Variants in SLC4A11 observed in about 807,000 individuals in gnomAD.
The protein encoded by SLC4A11 is bicarbonate transporter related protein 1.
SLC4A11 carries 74 observed loss-of-function variants against 95.0 expected under a neutral mutation model. The observed-to-expected ratio is 0.78, with a 90% CI of 0.65 to 0.95. SLC4A11 has a LOEUF of 0.95. Ranked by LOEUF, SLC4A11 falls within the 40% of genes least tolerant of loss-of-function variation. The pLI, the probability that SLC4A11 is intolerant of heterozygous loss-of-function variation, is 0.00. For missense variants in SLC4A11, 1,081 were observed against 1,192.4 expected (o/e 0.91, Z 1.38); for synonymous variants, 548 against 519.0 (o/e 1.06, Z -0.76).
At position 3,234,391 on chromosome 20, in the gene SLC4A11, C is replaced by T; in HGVS notation, c.292-77G>A. On this transcript the variant is annotated intron_variant, in intron 4 of 19. Coordinates refer to ENST00000642402, the MANE Select transcript of SLC4A11 (RefSeq NM_001174089.2). This position sits in a 1 kb window ranked among gnomAD's most constrained non-coding sequence, Gnocchi z 5.8. ...CACTGCCTGGTCCCTCCCTCCCAGCCAGCCGCAGCAGTCCAGCCCCCAGCC... is the reference window on the plus strand; with the variant it reads ...CACTGCCTGGTCCCTCCCTCCCAGCTAGCCGCAGCAGTCCAGCCCCCAGCC... The T allele has an allele frequency of 1.3e-6, 2 of 1,482,664 alleles. No homozygotes were observed. Among genetic ancestry groups the T allele is most frequent in the South Asian group, 2.3e-5 (2 of 87,506 alleles). 91.8% of individuals were successfully genotyped at this position (1,482,664 alleles called of 1,614,324 possible).
intron 1 of SLC4A11, chr20:3,238,025 T>C (rs2068042104): frequency 6.5e-7 from 1 of 1,538,622 alleles, no homozygotes; most frequent in Non-Finnish European, 8.8e-7. Context: ...ACATCCCTCT[T>C]CTCACTCTCA....
Position 3,234,307 on chromosome 20 carries a change from T to C in SLC4A11, c.299A>G (p.Lys100Arg). 1 of 1,613,740 alleles carries C rather than the reference T, an allele frequency of 6.2e-7. No individual in the cohort carries two copies. The highest frequency in any genetic ancestry group is 8.5e-7 in the Non-Finnish European group (1 of 1,179,950). ...GATCTCTTCCTTGAAGTTCTTTAAC[T>C]TCAGGTACTGAGGGGACCCCAGGGA... ...VLLHTSRKYL[K>R]LKNFKEEIRA... Residue 100 changes from lysine to arginine, a missense_variant, in exon 5 of 20, where the codon AAG becomes AGG. Physicochemically the swap from Lys to Arg is conservative, Grantham distance 26. This residue lies in a region of SLC4A11 where 310 missense variants were observed against 313.5 expected (regional missense o/e 0.99). Transcript: ENST00000642402. The surrounding 1 kb of genome is among the most constrained non-coding windows in gnomAD (Gnocchi z 5.8).
In SLC4A11 at chr20:3,230,992, C is replaced by T. The variant is rs377106945; in HGVS notation, c.1109G>A (p.Cys370Tyr). ...CCCGAAAGCGATGGTGGGCAGGAGGCAGGCGAAGTAGAGGAACAGGGTGGT... is the reference window on the plus strand; with the variant it reads ...CCCGAAAGCGATGGTGGGCAGGAGGTAGGCGAAGTAGAGGAACAGGGTGGT... The part of the protein sequence containing the change: ...ITTTLFLYFA[C>Y]LLPTIAFGSL... Residue 370 changes from cysteine (C) to tyrosine (Y), a missense_variant, in exon 10 of 20, where the codon TGC becomes TAC. By Grantham distance (194) the Cys-to-Tyr change is radical. This residue lies in a region of SLC4A11 where 767 missense variants were observed against 858.0 expected (regional missense o/e 0.89). Transcript: ENST00000642402. 1.2e-6 allele frequency: 2 copies of T among 1,613,536 alleles called. No homozygotes were observed. Among genetic ancestry groups the T allele is most frequent in the African/African-American group, 1.3e-5 (1 of 74,776 alleles).
chr20:3,238,097 G>A (rs750813347), intron 1 of SLC4A11: 4 of 1,463,038 alleles, frequency 2.7e-6, no homozygotes, highest in Non-Finnish European at 3.6e-6. Context: ...CCCGTCACGC[G>A]CCCCGGGTCA....
At chr20:3,233,719 A>G in intron 6 of SLC4A11, 82 bp from the exon 7 acceptor site, 1 of 1,589,150 alleles carries the variant, frequency 6.3e-7, no homozygotes, top group Non-Finnish European at 8.5e-7. Context: ...CTCGACCTTG[A>G]CCCCTGGCGA....
In SLC4A11 at chr20:3,229,183, C is replaced by G; in HGVS notation, c.1930G>C (p.Gly644Arg). Residue 644 changes from glycine to arginine, a missense_variant, in exon 16 of 20, where the codon GGT becomes CGT. Gly to Arg is a moderately radical substitution (Grantham distance 125). Coordinates refer to ENST00000642402, the MANE Select transcript of SLC4A11 (RefSeq NM_001174089.2). ...IQSLSLRAVS[G>R]AMGLGFLLSM... ...AGCAGGAAGCCGAGGCCCATGGCAC[C>G]GCTGACGGCCCTCAGGGACAGCGAC... The G allele has an allele frequency of 1.9e-6, 3 of 1,612,310 alleles. No individual in the cohort carries two copies. The highest frequency in any genetic ancestry group is 2.5e-6 in the Non-Finnish European group (3 of 1,179,964).
Position 3,234,953 on chromosome 20 carries a change from G to A in SLC4A11, c.89-59C>T, listed in dbSNP as rs2067922143. 1 of 1,607,334 alleles carries A rather than the reference G, an allele frequency of 6.2e-7. No individual in the cohort carries two copies. Among genetic ancestry groups the A allele is most frequent in the Non-Finnish European group, 8.5e-7 (1 of 1,174,984 alleles). On this transcript the variant is annotated intron_variant, in intron 2 of 19. Transcript: ENST00000642402. This position sits in a 1 kb window ranked among gnomAD's most constrained non-coding sequence, Gnocchi z 5.8. ...TTAAAGTGCCACACACAGGAAGGAG[G>A]GGCTCCAAGCCCAGGGAGCAGGGAC...
intron 7 of SLC4A11, among the ~76,000 whole-genome samples, chr20:3,233,109 C>A (rs1389209375): frequency 6.6e-6 from 1 of 152,118 alleles, no homozygotes; most frequent in African/African-American, 2.4e-5. Context: ...TTAAAAGACT[C>A]CCGAAATTGT....
chr20:3,229,853 G>A (rs1341559888), intron 13 of SLC4A11, 77 bp from the exon 14 acceptor site: 1 of 1,599,394 alleles, frequency 6.3e-7, no homozygotes. Flanking sequence ...GGGATCTCAG[G>A]GAGAAAGGGC....
rs1468782093 is a variant in SLC4A11 at position 3,229,385 on chromosome 20, A to C, written c.1810T>G (p.Phe604Val). Residue 604 changes from phenylalanine to valine, a missense_variant, in exon 15 of 20, where the codon TTC (phenylalanine) becomes GTC (valine). By Grantham distance (50) the Phe-to-Val change is conservative (BLOSUM62 -1). Transcript: ENST00000642402. The stretch of plus-strand genomic sequence containing the variant: ...AAGCCATGGGAGCTGATGAGGGAGA[A>C]GGCGAGCACCGCGATGGGCAGGGCG... ...DCALPIAVLA[F>V]SLISSHGFRE... 1 of 1,613,192 alleles carries C rather than the reference A, an allele frequency of 6.2e-7. No homozygotes were observed. The highest frequency in any genetic ancestry group is 8.5e-7 in the Non-Finnish European group (1 of 1,180,006).
rs113277027 is a variant in SLC4A11 at position 3,231,075 on chromosome 20, GGA to G, written c.1043-19_1043-18del. On this transcript the variant is annotated intron_variant, in intron 9 of 19. Coordinates refer to ENST00000642402, the MANE Select transcript of SLC4A11 (RefSeq NM_001174089.2). This position sits in a 1 kb window ranked among gnomAD's most constrained non-coding sequence, Gnocchi z 5.2. ...CAATAATGCCTAGGAATGGGGGATG[GGA>G]GAGAGGGTTTGCTGGGGATGCAGGA... The G allele has an allele frequency of 0.02, 32,565 of 1,613,084 alleles. 4,923 individuals carry two copies. The African/African-American group carries it at 0.36, about 18-fold the overall frequency.
In SLC4A11 at chr20:3,233,631, G is replaced by C; in HGVS notation, c.612C>G (p.Thr204=). The change falls in exon 7 of 20, where the codon ACC becomes ACG. Residue 204 remains threonine, a synonymous_variant. Coordinates refer to ENST00000642402, the MANE Select transcript of SLC4A11 (RefSeq NM_001174089.2). ...CGTGCCGCTTCTGTAGGGCCTTCAT[G>C]GTACAGCTGGCAGGGGCGGGGAGGA... is the stretch of plus-strand genomic sequence containing the variant. The part of the protein sequence containing the change: ...YQQSWLCIIC[T]MKALQKRHVC... 3 of 1,612,722 alleles carry C rather than the reference G, an allele frequency of 1.9e-6. No homozygotes were observed. The highest frequency in any genetic ancestry group is 2.5e-6 in the Non-Finnish European group (3 of 1,180,006).
In SLC4A11 at chr20:3,229,730, T is replaced by C. The variant is rs1334090654; in HGVS notation, c.1536A>G (p.Thr512=). 6.2e-7 allele frequency: 1 copy of C among 1,614,020 alleles called. No individual in the cohort carries two copies. The highest frequency in any genetic ancestry group is 8.5e-7 in the Non-Finnish European group (1 of 1,180,006). ...GGCTGACAAGGGATGAAGTCCTTTT[T>C]GTGTGATAGTCGTCCAAGTAATGCC... ...YYGHYLDDYH[T]KRTSSLVSLS... Residue 512 remains threonine, a synonymous_variant, in exon 14 of 20, where the codon ACA becomes ACG. Coordinates refer to ENST00000642402, the MANE Select transcript of SLC4A11 (RefSeq NM_001174089.2).
At position 3,228,622 on chromosome 20, in the gene SLC4A11, G is replaced by A. The variant is rs2035078422; in HGVS notation, c.2278C>T (p.Leu760Phe). Residue 760 changes from leucine (L) to phenylalanine (F), a missense_variant, in exon 18 of 20, where the codon CTT (leucine) becomes TTT (phenylalanine). By Grantham distance (22) the Leu-to-Phe change is conservative. Coordinates refer to ENST00000642402, the MANE Select transcript of SLC4A11 (RefSeq NM_001174089.2). Reference sequence around the variant, plus strand: ...AGCACGGGCTTGGGGATCCACTGAAGCGGGACCGGCAGCAGCAACAGGGAC... The same window carrying A: ...AGCACGGGCTTGGGGATCCACTGAAACGGGACCGGCAGCAGCAACAGGGAC... ...GLSLLLLPVP[L>F]QWIPKPVLYG... is the part of the protein sequence containing the mutation. 1 of 1,613,252 alleles carries A rather than the reference G, an allele frequency of 6.2e-7. No individual in the cohort carries two copies. The highest frequency in any genetic ancestry group is 1.7e-5 in the Admixed American group (1 of 60,026).
chr20:3,239,144 C>T lies in SLC4A11; in HGVS notation c.-7G>A. The T allele has an allele frequency of 6.8e-7, 1 of 1,466,938 alleles. No homozygotes were observed. 90.9% of individuals were successfully genotyped at this position (1,466,938 alleles called of 1,614,324 possible). On this transcript the variant is annotated 5_prime_UTR_variant, in exon 1 of 20. In the 5' UTR this introduces an upstream ATG that the reference lacks. Transcript: ENST00000642402. ...GCCTGGTGGCCGCGGCCATGGCACA[C>T]TCGCGCACTCACGGCCGGGCTCCTC...
rs377745308 is a variant in SLC4A11, at chr20:3,231,072, AT to A, written c.1043-15del. ...TCCCAATAATGCCTAGGAATGGGGG[AT>A]GGGAGAGAGGGTTTGCTGGGGATGC... On this transcript the variant is annotated splice_polypyrimidine_tract_variant and intron_variant, in intron 9 of 19. Transcript: ENST00000642402. This position sits in a 1 kb window ranked among gnomAD's most constrained non-coding sequence, Gnocchi z 5.2. 1,374 of 1,608,030 alleles carry A rather than the reference AT, an allele frequency of 8.5e-4. 12 individuals are homozygous for A. The African/African-American group carries it at 0.017, about 20-fold the overall frequency.
Position 3,228,420 on chromosome 20 carries a change from G to A in SLC4A11, c.2397C>T (p.Tyr799=), listed in dbSNP as rs1437538244. Residue 799 remains tyrosine (Y), a synonymous_variant, in exon 19 of 20, where the codon TAC becomes TAT. Transcript: ENST00000642402. ...CCCTCCGGATGTAGTGTGTCGGGGG[G>A]TACGCAGTCTGTGGGCGGCAGGGAC... ...VALLLKEQTA[Y]PPTHYIRRVP... 1 of 1,613,244 alleles carries A rather than the reference G, an allele frequency of 6.2e-7. No individual in the cohort carries two copies. The highest frequency in any genetic ancestry group is 2.2e-5 in the East Asian group (1 of 44,844).
rs1226567279 is a variant in SLC4A11, at chr20:3,227,778, G to A, written c.*9C>T. On this transcript the variant is annotated 3_prime_UTR_variant, in exon 20 of 20. Transcript: ENST00000642402. ...GGCTGGCGAATGGGGCGTGGGCAGGGTCTGCCAGTCAAGGCCTGTGCTCAG... is the reference window on the plus strand; with the variant it reads ...GGCTGGCGAATGGGGCGTGGGCAGGATCTGCCAGTCAAGGCCTGTGCTCAG... 1 of 1,612,590 alleles carries A rather than the reference G, an allele frequency of 6.2e-7. No individual in the cohort carries two copies. Among genetic ancestry groups the A allele is most frequent in the Non-Finnish European group, 8.5e-7 (1 of 1,179,756 alleles).
At chr20:3,228,062 C>T (rs1432920774) in intron 19 of SLC4A11, among the ~76,000 whole-genome samples, 197 bp downstream of exon 19, 3 of 119,082 alleles carry the variant, frequency 2.5e-5, no homozygotes, top group Non-Finnish European at 5.5e-5. Flanking sequence ...CACCTCTAGG[C>T]TGGGCTCCTC....
Sources: allele counts gnomAD v4.1 joint callset (sites outside exome capture counted in the v4.1 genomes callset), GRCh38; gene constraint gnomAD v4.1.1; regional missense constraint gnomAD v4.1.1; non-coding constraint Gnocchi (gnomAD v3.1); transcripts MANE v1.5; gene names NCBI Gene and HGNC (gene_info 2026-07-23, HGNC 2026-07-21).